Variants in OLFM2 observed in about 807,000 individuals in gnomAD.
OLFM2 encodes the protein olfactomedin 2.
Under a neutral mutation model 43.9 loss-of-function variants are expected in OLFM2, and 20 were observed. That is an observed-to-expected ratio of 0.46 (90% confidence interval 0.32 to 0.66). The LOEUF is 0.66. Among genes scored for constraint, OLFM2 ranks in the 30% least tolerant of loss-of-function variants. The pLI is 0.04. For missense variants in OLFM2, 416 were observed against 643.6 expected (o/e 0.65, Z 3.83); for synonymous variants, 268 against 278.6 (o/e 0.96, Z 0.38).
chr19:9,885,237 G>T (rs2046576175), intron 1 of OLFM2, among the ~76,000 whole-genome samples: 2 of 152,188 alleles, frequency 1.3e-5, no homozygotes, highest in Non-Finnish European at 2.9e-5. Context: ...TTCCCAGACT[G>T]CAATTCCCAG....
intron 2 of OLFM2, among the ~76,000 whole-genome samples, chr19:9,858,687 C>T (rs1243436574): frequency 6.6e-6 from 1 of 152,248 alleles, no homozygotes; most frequent in Non-Finnish European, 1.5e-5. Flanking sequence ...CAGCTCCCAC[C>T]TCCACCTGGC....
intron 1 of OLFM2, among the ~76,000 whole-genome samples, chr19:9,909,879 G>A (rs765516746): frequency 3.3e-5 from 5 of 152,100 alleles, no homozygotes; most frequent in East Asian, 1.9e-4. Flanking sequence ...CTATGTGCCC[G>A]TTATTTATTT....
chr19:9,879,141 G>A (rs558346703), intron 1 of OLFM2, among the ~76,000 whole-genome samples: 6 of 152,042 alleles, frequency 3.9e-5, no homozygotes, highest in Non-Finnish European at 7.4e-5. Context: ...CTCGCTGTTT[G>A]TTTGTTTATT....
At position 9,883,528 on chromosome 19, in the gene OLFM2, G is replaced by T. The variant is rs2046558809; in HGVS notation, c.64-22734C>A. Reference sequence around the variant, plus strand: ...CACTGAGCAGCTGCTCCCAGTCAAAGCTGCCGGAGAGAGGCCCGTGGCCCC... The same window carrying T: ...CACTGAGCAGCTGCTCCCAGTCAAATCTGCCGGAGAGAGGCCCGTGGCCCC... On this transcript the variant is annotated intron_variant, in intron 1 of 5. Coordinates refer to ENST00000264833, the MANE Select transcript of OLFM2 (RefSeq NM_058164.4). Among the ~76,000 whole-genome samples, 3 of 152,084 alleles carry T rather than the reference G, an allele frequency of 2.0e-5. No individual in the cohort carries two copies. In the South Asian group the frequency reaches 6.2e-4, roughly 32 times the overall value.
Position 9,853,925 on chromosome 19 carries a change from G to C in OLFM2, c.*261C>G, listed in dbSNP as rs2046291168. Reference sequence around the variant, plus strand: ...AGAGACGGAAAGAACTGGAGAACCAGAGCCATAAAAAGAAAAAGACATCCA... The same window carrying C: ...AGAGACGGAAAGAACTGGAGAACCACAGCCATAAAAAGAAAAAGACATCCA... On this transcript the variant is annotated 3_prime_UTR_variant, in exon 6 of 6. Coordinates refer to ENST00000264833, the MANE Select transcript of OLFM2 (RefSeq NM_058164.4). 8.6e-6 allele frequency: 5 copies of C among 580,008 alleles called. No homozygotes were observed. The highest frequency in any genetic ancestry group is 1.5e-5 in the Non-Finnish European group (5 of 329,458). 35.9% of individuals were successfully genotyped at this position (580,008 alleles called of 1,614,324 possible).
chr19:9,909,121 T>A (rs956432542), intron 1 of OLFM2, among the ~76,000 whole-genome samples: 1 of 152,164 alleles, frequency 6.6e-6, no homozygotes, highest in Non-Finnish European at 1.5e-5. Context: ...ATTATAGGCA[T>A]GAGCCACAGT....
intron 1 of OLFM2, among the ~76,000 whole-genome samples, chr19:9,917,117 C>T (rs2046881501): frequency 6.6e-6 from 1 of 152,168 alleles, no homozygotes; most frequent in African/African-American, 2.4e-5. Flanking sequence ...CTTTGAACTT[C>T]CTGTTCCTTC....
chr19:9,924,133 G>A (rs1006181377), intron 1 of OLFM2, among the ~76,000 whole-genome samples: 6 of 141,104 alleles, frequency 4.3e-5, no homozygotes, highest in South Asian at 2.3e-4. Context: ...AAAAAAGCCC[G>A]GGCGCAGTGG....
At chr19:9,910,267 C>A (rs1311892634) in intron 1 of OLFM2, among the ~76,000 whole-genome samples, 1 of 152,038 alleles carries the variant, frequency 6.6e-6, no homozygotes, top group Non-Finnish European at 1.5e-5. Flanking sequence ...TAAATAATTT[C>A]CCCCAAAGTC....
At chr19:9,922,801 C>T (rs571201490) in intron 1 of OLFM2, among the ~76,000 whole-genome samples, 2 of 150,310 alleles carry the variant, frequency 1.3e-5, no homozygotes, top group East Asian at 2.0e-4. Context: ...GTTCTAGCTA[C>T]TTGAGAGGCT....
chr19:9,881,617 G>A (rs573558206), intron 1 of OLFM2, among the ~76,000 whole-genome samples: 155 of 151,932 alleles, frequency 1.0e-3, no homozygotes, highest in Non-Finnish European at 1.7e-3. Context: ...TCAGCCTCCC[G>A]AGTAGCTGGG....
Position 9,854,983 on chromosome 19 carries a change from G to T in OLFM2, c.688-120C>A. The T allele has an allele frequency of 2.7e-6, 2 of 740,606 alleles. No homozygotes were observed. Among genetic ancestry groups the T allele is most frequent in the Non-Finnish European group, 4.3e-6 (2 of 462,848 alleles). 45.9% of individuals were successfully genotyped at this position (740,606 alleles called of 1,614,324 possible). ...AGTGGTCATTAGTCATGGGAACTCT[G>T]TTGACCATTCATTACCAATTATGGC... On this transcript the variant is annotated intron_variant, in intron 5 of 5. Transcript: ENST00000264833. This position sits in a 1 kb window ranked among gnomAD's most constrained non-coding sequence, Gnocchi z 9.5.
At chr19:9,935,680 C>T (rs1345348998) in intron 1 of OLFM2, among the ~76,000 whole-genome samples, 1 of 152,172 alleles carries the variant, frequency 6.6e-6, no homozygotes, top group African/African-American at 2.4e-5. Context: ...GTAATGAGGA[C>T]ACGGTCACAC....
At chr19:9,861,459 C>T (rs141725906) in intron 1 of OLFM2, among the ~76,000 whole-genome samples, 382 of 152,286 alleles carry the variant, frequency 2.5e-3, no homozygotes, top group Non-Finnish European at 3.4e-3. Flanking sequence ...CCACCGTGCC[C>T]GGCCATCAGG....
chr19:9,936,167 G>T, intron 1 of OLFM2, 137 bp downstream of exon 1: 2 of 777,576 alleles, frequency 2.6e-6, no homozygotes, highest in Non-Finnish European at 1.8e-6. Context: ...CCCCTCCCCC[G>T]CTGCGACCCC....
chr19:9,904,152 TTGTGTGTGTGTGTGTGTG>T (rs56281493), intron 1 of OLFM2, among the ~76,000 whole-genome samples: 103 of 127,270 alleles, frequency 8.1e-4, no homozygotes, highest in Middle Eastern at 3.9e-3. Context: ...TGAGTATTGT[TTGTGTGTGTGTGTGTGTG>T]TGTGTGTGTG....
intron 1 of OLFM2, 32 bp downstream of exon 1, chr19:9,936,272 C>T: frequency 1.3e-6 from 2 of 1,527,718 alleles, no homozygotes; most frequent in Non-Finnish European, 8.7e-7. Context: ...CCCGGAGCCA[C>T]CCGCGCCCGC....
Position 9,857,215 on chromosome 19 carries a change from G to T in OLFM2, c.580+48C>A. On this transcript the variant is annotated intron_variant, in intron 4 of 5. Coordinates refer to ENST00000264833, the MANE Select transcript of OLFM2 (RefSeq NM_058164.4). The surrounding 1 kb of genome is among the most constrained non-coding windows in gnomAD (Gnocchi z 5.7). ...GCACAAACAGGTGATACTGGAGTTG[G>T]GTGTGGCAGTCAGAGATCAGGGGTC... The T allele has an allele frequency of 6.5e-7, 1 of 1,533,788 alleles. No individual in the cohort carries two copies. Among genetic ancestry groups the T allele is most frequent in the Non-Finnish European group, 9.0e-7 (1 of 1,110,160 alleles).
At chr19:9,892,497 G>A (rs1216962744) in intron 1 of OLFM2, among the ~76,000 whole-genome samples, 1 of 152,152 alleles carries the variant, frequency 6.6e-6, no homozygotes, top group African/African-American at 2.4e-5. Context: ...GATCACTTGA[G>A]GCCAGGAGTT....
Sources: gnomAD v4.1 joint callset for allele counts (sites outside exome capture counted in the v4.1 genomes callset) on GRCh38, gnomAD v4.1.1 for gene constraint, Gnocchi (gnomAD v3.1) non-coding constraint, MANE v1.5 for transcripts, NCBI Gene and HGNC (gene_info 2026-07-23, HGNC 2026-07-21) for gene names.